SIAH3: variants seen among roughly 807,000 people sequenced by gnomAD.
SIAH3 encodes the protein seven in absentia homolog 3.
A neutral mutation model predicts 12.6 loss-of-function variants in SIAH3; 9 were observed. The observed-to-expected ratio is 0.72, with a 90% CI of 0.43 to 1.25. The LOEUF (loss-of-function observed/expected upper bound fraction) is 1.25. SIAH3 is among the 50% of genes most tolerant of loss of function. The pLI, the probability that SIAH3 is intolerant of heterozygous loss-of-function variation, is 0.00. For synonymous variants in SIAH3, 154 were observed against 151.1 expected (o/e 1.02, Z -0.14); for missense variants, 390 against 365.4 (o/e 1.07, Z -0.55).
rs540108093 is a variant in SIAH3 at position 45,780,006 on chromosome 13, G to A, written c.*3377C>T. On this transcript the variant is annotated 3_prime_UTR_variant, in exon 2 of 2. Coordinates refer to ENST00000400405, the MANE Select transcript of SIAH3 (RefSeq NM_198849.3). ...GCAGATGCCTGAAGTTCAGATACTG[G>A]TAACTCATTTTTCACTGTTAAGTGC... The A allele has an allele frequency of 1.3e-5, 2 of 152,202 alleles. No individual in the cohort carries two copies. Among genetic ancestry groups the A allele is most frequent in the East Asian group, 3.8e-4 (2 of 5,198 alleles). The allele number at this position is 152,202 out of a possible 1,614,324, so 9.4% of individuals were successfully genotyped here. A position where few individuals can be genotyped will look rare whatever the true frequency, so the allele number is the denominator to read the frequency against.
At chr13:45,812,533 G>C (rs993347124) in intron 1 of SIAH3, among the ~76,000 whole-genome samples, 1 of 152,128 alleles carries the variant, frequency 6.6e-6, no homozygotes, top group Non-Finnish European at 1.5e-5. Flanking sequence ...ATTTATTCAG[G>C]AACAGCAGGT....
chr13:45,837,825 T>C (rs1950724266), intron 1 of SIAH3, among the ~76,000 whole-genome samples: 1 of 152,202 alleles, frequency 6.6e-6, no homozygotes, highest in Non-Finnish European at 1.5e-5. Context: ...ATATGAATAT[T>C]AGAACTAAAT....
intron 1 of SIAH3, among the ~76,000 whole-genome samples, chr13:45,819,454 G>A (rs755326314): frequency 1.3e-5 from 2 of 152,080 alleles, no homozygotes; most frequent in Non-Finnish European, 2.9e-5. Context: ...AGTGGTGGTC[G>A]CTGAGGAAGA....
chr13:45,845,391 G>A (rs1049440852), intron 1 of SIAH3, among the ~76,000 whole-genome samples: 2 of 152,126 alleles, frequency 1.3e-5, no homozygotes, highest in Admixed American at 6.5e-5. Flanking sequence ...ATGGTGACTC[G>A]CTGGTTTTTG....
intron 1 of SIAH3, among the ~76,000 whole-genome samples, chr13:45,826,116 C>G (rs1353342188): frequency 6.6e-6 from 1 of 152,134 alleles, no homozygotes; most frequent in East Asian, 1.9e-4. Context: ...AGAAAGCTTT[C>G]CTGGATGACT....
intron 1 of SIAH3, among the ~76,000 whole-genome samples, chr13:45,831,190 A>C (rs1950697770): frequency 7.2e-6 from 1 of 138,588 alleles, no homozygotes. Flanking sequence ...AAATAAATAA[A>C]TAAATAAATA....
chr13:45,840,815 T>A (rs952954890), intron 1 of SIAH3, among the ~76,000 whole-genome samples: 7 of 152,222 alleles, frequency 4.6e-5, no homozygotes, highest in African/African-American at 1.7e-4. Flanking sequence ...AACTGAGGGA[T>A]GACATATCAA....
At chr13:45,844,738 C>T (rs1256872107) in intron 1 of SIAH3, among the ~76,000 whole-genome samples, 2 of 152,210 alleles carry the variant, frequency 1.3e-5, no homozygotes, top group African/African-American at 4.8e-5. Context: ...CATTCTTATG[C>T]ATTCCTTACA....
chr13:45,783,872 G>A lies in SIAH3; in HGVS notation c.321C>T (p.Cys107=), dbSNP rs770096142. The A allele has an allele frequency of 4.3e-6, 7 of 1,613,620 alleles. No individual in the cohort carries two copies. The East Asian group carries it at 1.6e-4, about 36-fold the overall frequency. The part of the protein sequence containing the change: ...LHANPVTPCL[C]MCPLFSCQWE... ...ACTGGCAGGAGAACAAGGGACACAT[G>A]CACAGGCAGGGCGTCACCGGGTTGG... The change falls in exon 2 of 2, where the codon TGC becomes TGT. Residue 107 remains cysteine (C), a synonymous_variant. Transcript: ENST00000400405.
chr13:45,824,082 A>G (rs1026749224), intron 1 of SIAH3, among the ~76,000 whole-genome samples: 6 of 152,212 alleles, frequency 3.9e-5, no homozygotes, highest in African/African-American at 1.4e-4. Flanking sequence ...AAGGTCAAAG[A>G]TCCATTCTCA....
chr13:45,777,440 A>C lies in SIAH3; in HGVS notation c.*5943T>G, dbSNP rs1795241421. The C allele has an allele frequency of 6.6e-6, 1 of 152,180 alleles. No homozygotes were observed. The highest frequency in any genetic ancestry group is 2.4e-5 in the African/African-American group (1 of 41,436). The allele number at this position is 152,180 out of a possible 1,614,324, so 9.4% of individuals were successfully genotyped here. Reference sequence around the variant, plus strand: ...CTTATCTCAATACCCTAAAAAAAAGACTGAAAAAGGTTGAGGAGTATTTAT... The same window carrying C: ...CTTATCTCAATACCCTAAAAAAAAGCCTGAAAAAGGTTGAGGAGTATTTAT... On this transcript the variant is annotated 3_prime_UTR_variant, in exon 2 of 2. Coordinates refer to ENST00000400405, the MANE Select transcript of SIAH3 (RefSeq NM_198849.3).
Position 45,793,353 on chromosome 13 carries a change from A to G in SIAH3, c.136-9296T>C, listed in dbSNP as rs116557198. On this transcript the variant is annotated intron_variant, in intron 1 of 1. Coordinates refer to ENST00000400405, the MANE Select transcript of SIAH3 (RefSeq NM_198849.3). ...TTTCTCTGAGTTCTTCAAAAATGTCATGACCAGGAACTCCACAGTACTCTC... is the reference window on the plus strand; with the variant it reads ...TTTCTCTGAGTTCTTCAAAAATGTCGTGACCAGGAACTCCACAGTACTCTC... 5.5e-3 allele frequency among the ~76,000 whole-genome samples: 832 copies of G among 152,282 alleles called. 7 individuals are homozygous for G. The highest frequency in any genetic ancestry group is 0.019 in the African/African-American group (785 of 41,536).
In SIAH3 at chr13:45,794,490, A is replaced by T. The variant is rs192491693; in HGVS notation, c.136-10433T>A. On this transcript the variant is annotated intron_variant, in intron 1 of 1. Transcript: ENST00000400405. ...TGTCCCCACCCACATCTCATCTTGAATTGTAGCTCCCATAATCCCCATGTG... is the reference window on the plus strand; with the variant it reads ...TGTCCCCACCCACATCTCATCTTGATTTGTAGCTCCCATAATCCCCATGTG... 2.6e-3 allele frequency among the ~76,000 whole-genome samples: 403 copies of T among 152,248 alleles called. 1 individual carries two copies. Among genetic ancestry groups the T allele is most frequent in the Middle Eastern group, 0.01 (3 of 294 alleles).
At chr13:45,794,400 A>T (rs1291259057) in intron 1 of SIAH3, among the ~76,000 whole-genome samples, 2 of 152,230 alleles carry the variant, frequency 1.3e-5, no homozygotes, top group Non-Finnish European at 2.9e-5. Context: ...GCAAGAAGGC[A>T]TAAGTGGTAG....
At chr13:45,784,516 T>G (rs1360761264) in intron 1 of SIAH3, among the ~76,000 whole-genome samples, 1 of 150,330 alleles carries the variant, frequency 6.7e-6, no homozygotes, top group East Asian at 2.0e-4. Flanking sequence ...TAGAACAAAA[T>G]TTACATAATG....
Position 45,777,567 on chromosome 13 carries a change from T to C in SIAH3, c.*5816A>G, listed in dbSNP as rs1228988151. On this transcript the variant is annotated 3_prime_UTR_variant, in exon 2 of 2. Transcript: ENST00000400405. Reference sequence around the variant, plus strand: ...ACCTGATTTGGGGGGAAATTAATGTTTATCTACACTAGATCTCTCAGATTT... The same window carrying C: ...ACCTGATTTGGGGGGAAATTAATGTCTATCTACACTAGATCTCTCAGATTT... 1 of 152,088 alleles carries C rather than the reference T, an allele frequency of 6.6e-6. No homozygotes were observed. The highest frequency in any genetic ancestry group is 6.5e-5 in the Admixed American group (1 of 15,280). The allele number at this position is 152,088 out of a possible 1,614,324, so 9.4% of individuals were successfully genotyped here.
At chr13:45,806,358 C>T (rs1302614235) in intron 1 of SIAH3, among the ~76,000 whole-genome samples, 3 of 152,122 alleles carry the variant, frequency 2.0e-5, no homozygotes, top group Non-Finnish European at 4.4e-5. Flanking sequence ...AAATGTGGTA[C>T]ATATACACCA....
intron 1 of SIAH3, among the ~76,000 whole-genome samples, chr13:45,842,762 TG>T (rs1489363008): frequency 6.6e-6 from 1 of 152,214 alleles, no homozygotes; most frequent in Non-Finnish European, 1.5e-5. Context: ...AACCCAGATC[TG>T]ACTCCAAAAC....
intron 1 of SIAH3, among the ~76,000 whole-genome samples, chr13:45,808,124 A>C (rs1442217515): frequency 6.6e-6 from 1 of 152,154 alleles, no homozygotes; most frequent in Non-Finnish European, 1.5e-5. Flanking sequence ...GAATATTTAC[A>C]CCATGGAAAC....
Sources: allele counts gnomAD v4.1 joint callset (sites outside exome capture counted in the v4.1 genomes callset), GRCh38; gene constraint gnomAD v4.1.1; transcripts MANE v1.5; gene names NCBI Gene and HGNC (gene_info 2026-07-23, HGNC 2026-07-21).